The following SLC27A6 variants were observed in gnomAD, a reference collection of about 807,000 sequenced individuals.
The protein encoded by SLC27A6 is solute carrier family 27 member 6, also known as long-chain fatty acid transport protein 6.
A neutral mutation model predicts 63.9 loss-of-function variants in SLC27A6; 74 were observed. The observed-to-expected ratio is 1.16, with a 90% confidence interval of 0.96 to 1.40. SLC27A6 has a LOEUF of 1.40. SLC27A6 is among the 40% of genes most tolerant of loss of function. The pLI is 0.00. For missense variants in SLC27A6, 794 were observed against 732.9 expected (o/e 1.08, Z -0.96); for synonymous variants, 287 against 260.8 (o/e 1.10, Z -0.97).
At chr5:128,977,780 G>A (rs1750439027) in intron 1 of SLC27A6, among the ~76,000 whole-genome samples, 1 of 152,122 alleles carries the variant, frequency 6.6e-6, no homozygotes, top group Non-Finnish European at 1.5e-5. Context: ...ACTTTAAAAT[G>A]GCAAGTATTC....
chr5:128,999,420 C>T (rs1751260216), intron 4 of SLC27A6, among the ~76,000 whole-genome samples: 2 of 152,220 alleles, frequency 1.3e-5, no homozygotes, highest in South Asian at 2.1e-4. Context: ...CCCTGACTCA[C>T]TCTCAAACCT....
At chr5:128,992,175 GA>G (rs1751008610) in intron 4 of SLC27A6, among the ~76,000 whole-genome samples, 1 of 2,480 alleles carries the variant, frequency 4.0e-4, no homozygotes, top group Non-Finnish European at 8.6e-4. Flanking sequence ...TCCTTGACTA[GA>G]GGATCTCTCA....
At chr5:129,011,090 A>G (rs1751711104) in intron 4 of SLC27A6, among the ~76,000 whole-genome samples, 1 of 152,212 alleles carries the variant, frequency 6.6e-6, no homozygotes, top group African/African-American at 2.4e-5. Flanking sequence ...TTGAGACTTA[A>G]TATGATTAAT....
Position 128,969,835 on chromosome 5 carries a change from T to C in SLC27A6, c.481+3217T>C, listed in dbSNP as rs1750068549. 1.3e-5 allele frequency among the ~76,000 whole-genome samples: 2 copies of C among 152,314 alleles called. 1 individual carries two copies. The highest frequency in any genetic ancestry group is 2.9e-5 in the Non-Finnish European group (2 of 68,016). Reference sequence around the variant, plus strand: ...AGTGGTGAGAGAGGGCATCCCTGTCTTGTGCCAGTTTTCAAAGGGAATGCT... The same window carrying C: ...AGTGGTGAGAGAGGGCATCCCTGTCCTGTGCCAGTTTTCAAAGGGAATGCT... On this transcript the variant is annotated intron_variant, in intron 1 of 9. Transcript: ENST00000262462.
rs114947129 is a variant in SLC27A6, at chr5:129,007,999, A to C, written c.970-7886A>C. On this transcript the variant is annotated intron_variant, in intron 4 of 9. Transcript: ENST00000262462. ...TAGAATATATGGCCATATTATGGTG[A>C]TTATAACTTTTAATGTATATATAGA... Among the ~76,000 whole-genome samples the C allele has an allele frequency of 5.3e-4, 80 of 152,186 alleles. 1 individual carries two copies. Among genetic ancestry groups the C allele is most frequent in the African/African-American group, 1.7e-3 (72 of 41,574 alleles).
At chr5:129,030,991 A>G (rs1263220674) in intron 9 of SLC27A6, among the ~76,000 whole-genome samples, 1 of 151,938 alleles carries the variant, frequency 6.6e-6, no homozygotes, top group African/African-American at 2.4e-5. Flanking sequence ...CCAACCCCAT[A>G]AGTAATATAT....
chr5:128,982,037 C>A (rs9327503), intron 1 of SLC27A6, among the ~76,000 whole-genome samples: 37,655 of 151,962 alleles, frequency 0.25, 5,274 homozygotes, highest in Non-Finnish European at 0.31. Context: ...TCTTCTTTAA[C>A]TCCTGACCTC....
chr5:129,033,328 G>A lies in SLC27A6; in HGVS notation c.*46G>A. The A allele has an allele frequency of 8.4e-7, 1 of 1,190,546 alleles. No homozygotes were observed. The highest frequency in any genetic ancestry group is 1.2e-6 in the Non-Finnish European group (1 of 845,562). The allele number at this position is 1,190,546 out of a possible 1,614,324, so 73.7% of individuals were successfully genotyped here. A position where few individuals can be genotyped will look rare whatever the true frequency, so the allele number is the denominator to read the frequency against. ...TCATATGCTTTCTTAGGAAGAGTGA[G>A]AGGGGGGTATATGATTCTTTATGAA... On this transcript the variant is annotated 3_prime_UTR_variant, in exon 10 of 10. Coordinates refer to ENST00000262462, the MANE Select transcript of SLC27A6 (RefSeq NM_001017372.3).
chr5:128,986,454 G>A (rs1457243444), intron 2 of SLC27A6, among the ~76,000 whole-genome samples: 1 of 152,166 alleles, frequency 6.6e-6, no homozygotes, highest in East Asian at 1.9e-4. Context: ...CATATTAAGA[G>A]TATTGTTACT....
chr5:129,006,460 TGTG>T (rs1751542882), intron 4 of SLC27A6, among the ~76,000 whole-genome samples: 1 of 151,166 alleles, frequency 6.6e-6, no homozygotes, highest in Admixed American at 6.6e-5. Flanking sequence ...TGTGTGTGTG[TGTG>T]TGTGTGTGTG....
intron 6 of SLC27A6, among the ~76,000 whole-genome samples, 194 bp downstream of exon 6, chr5:129,023,904 G>C (rs957901674): frequency 6.6e-6 from 1 of 151,952 alleles, no homozygotes; most frequent in African/African-American, 2.4e-5. Flanking sequence ...ACTTTAAACA[G>C]GTTGCTTATA....
chr5:129,003,909 A>C (rs1440400609), intron 4 of SLC27A6, among the ~76,000 whole-genome samples: 1 of 147,622 alleles, frequency 6.8e-6, no homozygotes, highest in Non-Finnish European at 1.5e-5. Context: ...TTGAGGCTGC[A>C]GTGAGCTGAG....
chr5:128,986,942 A>G (rs965970368), intron 2 of SLC27A6, among the ~76,000 whole-genome samples: 3 of 152,184 alleles, frequency 2.0e-5, no homozygotes, highest in African/African-American at 7.2e-5. Context: ...CAAAGAGTAG[A>G]AAATAAATGT....
At chr5:128,975,668 A>G (rs1750351198) in intron 1 of SLC27A6, among the ~76,000 whole-genome samples, 1 of 152,170 alleles carries the variant, frequency 6.6e-6, no homozygotes, top group Non-Finnish European at 1.5e-5. Context: ...TATCATTACT[A>G]TGTGTTAGCA....
At chr5:128,968,259 T>G (rs1749988328) in intron 1 of SLC27A6, among the ~76,000 whole-genome samples, 1 of 152,302 alleles carries the variant, frequency 6.6e-6, no homozygotes, top group Admixed American at 6.5e-5. Flanking sequence ...TGATTTAGAA[T>G]CCTTTGGGTA....
intron 5 of SLC27A6, among the ~76,000 whole-genome samples, chr5:129,017,365 A>G (rs1751936022): frequency 6.6e-6 from 1 of 152,138 alleles, no homozygotes; most frequent in Non-Finnish European, 1.5e-5. Context: ...ATCATAATAG[A>G]AATTAGAAGA....
rs1438519524 is a variant in SLC27A6 at position 129,023,687 on chromosome 5, G to T, written c.1232G>T (p.Gly411Val). ...GATGAACCCATGAGAAATGAGCAGG[G>T]TTGGTGTATTCATGTGAAAAAAGGT... ...QKDEPMRNEQ[G>V]WCIHVKKGEP... The change falls in exon 6 of 10, where the codon GGT (glycine) becomes GTT (valine). Residue 411 changes from glycine (G) to valine (V), a missense_variant. Gly to Val is a moderately radical substitution (Grantham distance 109). Coordinates refer to ENST00000262462, the MANE Select transcript of SLC27A6 (RefSeq NM_001017372.3). The T allele has an allele frequency of 1.9e-6, 3 of 1,609,644 alleles. No homozygotes were observed. Among genetic ancestry groups the T allele is most frequent in the Non-Finnish European group, 1.7e-6 (2 of 1,177,858 alleles).
chr5:128,998,350 G>A (rs941181916), intron 4 of SLC27A6, among the ~76,000 whole-genome samples: 6 of 150,272 alleles, frequency 4.0e-5, no homozygotes, highest in African/African-American at 1.0e-4. Context: ...GAGTAATTTT[G>A]TAGAATGTAT....
chr5:129,015,024 G>A (rs552688502), intron 4 of SLC27A6, among the ~76,000 whole-genome samples: 1 of 152,060 alleles, frequency 6.6e-6, no homozygotes, highest in African/African-American at 2.4e-5. Flanking sequence ...TTAAATTATG[G>A]GTACCAAAGA....
Sources: allele counts gnomAD v4.1 joint callset (sites outside exome capture counted in the v4.1 genomes callset), GRCh38; gene constraint gnomAD v4.1.1; transcripts MANE v1.5; gene names NCBI Gene and HGNC (gene_info 2026-07-23, HGNC 2026-07-21).